ITGA8: variants seen among roughly 807,000 people sequenced by gnomAD.
ITGA8 encodes the protein integrin subunit alpha 8.
Under a neutral mutation model 142.3 loss-of-function variants are expected in ITGA8, and 91 were observed. The observed-to-expected ratio is 0.64, with a 90% CI of 0.54 to 0.76. The LOEUF (loss-of-function observed/expected upper bound fraction) is 0.76. ITGA8 is among the 30% of genes least tolerant of loss of function. ITGA8 has a pLI of 0.00. For missense variants in ITGA8, 1,406 were observed against 1,327.7 expected, an observed-to-expected ratio of 1.06 and a Z score of -0.92; for synonymous variants, 505 against 485.2, an observed-to-expected ratio of 1.04 and a Z score of -0.54.
intron 2 of ITGA8, among the ~76,000 whole-genome samples, chr10:15,691,390 C>A (rs571374062): frequency 2.0e-5 from 3 of 152,208 alleles, no homozygotes; most frequent in Admixed American, 2.0e-4. Context: ...ATATCTGCAC[C>A]CCCATGTTCA....
At chr10:15,582,019 G>T (rs984515999) in intron 23 of ITGA8, among the ~76,000 whole-genome samples, 8 of 152,148 alleles carry the variant, frequency 5.3e-5, no homozygotes, top group Non-Finnish European at 1.0e-4. Context: ...CAGGAAGATT[G>T]CTTGAGGCCA....
At chr10:15,565,312 C>T (rs1434831458) in intron 25 of ITGA8, among the ~76,000 whole-genome samples, 1 of 152,154 alleles carries the variant, frequency 6.6e-6, no homozygotes, top group African/African-American at 2.4e-5. Flanking sequence ...AAATTGACTA[C>T]TGTTTTCCTG....
chr10:15,705,366 AT>A (rs1256197486), intron 2 of ITGA8, among the ~76,000 whole-genome samples: 1 of 152,076 alleles, frequency 6.6e-6, no homozygotes, highest in African/African-American at 2.4e-5. Context: ...AGAAAAGATC[AT>A]TTTCTTCCTC....
chr10:15,592,636 G>A (rs199574368), intron 21 of ITGA8, among the ~76,000 whole-genome samples: 3 of 152,138 alleles, frequency 2.0e-5, no homozygotes, highest in African/African-American at 4.8e-5. Context: ...ACAGGGTCTC[G>A]CTCCGTCACC....
At chr10:15,546,916 T>C (rs1415731561) in intron 27 of ITGA8, among the ~76,000 whole-genome samples, 3 of 152,012 alleles carry the variant, frequency 2.0e-5, no homozygotes, top group Non-Finnish European at 4.4e-5. Flanking sequence ...CACAATGACC[T>C]TTAAAACAAA....
intron 23 of ITGA8, among the ~76,000 whole-genome samples, chr10:15,580,806 C>CT (rs1329909886): frequency 6.6e-6 from 1 of 152,112 alleles, no homozygotes; most frequent in Non-Finnish European, 1.5e-5. Context: ...CACAAAATCC[C>CT]TGCAGCTGGC....
At chr10:15,536,844 A>C (rs7896221) in intron 27 of ITGA8, among the ~76,000 whole-genome samples, 8,340 of 152,250 alleles carry the variant, frequency 0.055, 735 homozygotes, top group African/African-American at 0.19. Flanking sequence ...CAAACGGAGG[A>C]GTTAGCGACC....
intron 22 of ITGA8, among the ~76,000 whole-genome samples, chr10:15,591,601 T>G (rs1418868019): frequency 6.6e-6 from 1 of 152,104 alleles, no homozygotes; most frequent in Non-Finnish European, 1.5e-5. Flanking sequence ...CACGAAATAT[T>G]ATTTTCAGCC....
chr10:15,571,795 T>C (rs1834188243), intron 25 of ITGA8, among the ~76,000 whole-genome samples: 1 of 152,208 alleles, frequency 6.6e-6, no homozygotes, highest in African/African-American at 2.4e-5. Flanking sequence ...CACCACTTGC[T>C]ATGGGCTGCA....
intron 13 of ITGA8, among the ~76,000 whole-genome samples, chr10:15,639,189 C>T (rs555712801): frequency 6.6e-6 from 1 of 151,890 alleles, no homozygotes; most frequent in Non-Finnish European, 1.5e-5. Context: ...CAAGCATCAC[C>T]ATGGCAGGAA....
In ITGA8 at chr10:15,605,760, T is replaced by G. The variant is rs1327588641; in HGVS notation, c.1934A>C (p.Asn645Thr). Residue 645 changes from asparagine to threonine, a missense_variant, in exon 19 of 30, where the codon AAT becomes ACT. Physicochemically the swap from Asn to Thr is moderately conservative, Grantham distance 65. Coordinates refer to ENST00000378076, the MANE Select transcript of ITGA8 (RefSeq NM_003638.3). ...CAGCTTCAAGTCAGGAACACACAGA[T>G]TGTCTTCTCCACAGTCCACCAGAAT... The part of the protein sequence containing the change: ...AHILVDCGED[N>T]LCVPDLKLSA... The G allele has an allele frequency of 7.4e-6, 12 of 1,613,584 alleles. No individual in the cohort carries two copies. Among genetic ancestry groups the G allele is most frequent in the Non-Finnish European group, 1.0e-5 (12 of 1,179,518 alleles).
chr10:15,548,348 C>G (rs777742621), intron 27 of ITGA8, 107 bp downstream of exon 27: 2 of 764,420 alleles, frequency 2.6e-6, no homozygotes, highest in Non-Finnish European at 4.3e-6. Flanking sequence ...CTGCCTCGGA[C>G]TTCCACAGTG....
intron 23 of ITGA8, among the ~76,000 whole-genome samples, chr10:15,578,967 A>G (rs778426405): frequency 6.6e-6 from 1 of 152,138 alleles, no homozygotes; most frequent in Non-Finnish European, 1.5e-5. Context: ...CCACCCAAAT[A>G]AATGAATCCA....
At chr10:15,624,373 C>T (rs775609148) in intron 13 of ITGA8, among the ~76,000 whole-genome samples, 1 of 152,158 alleles carries the variant, frequency 6.6e-6, no homozygotes, top group South Asian at 2.1e-4. Context: ...TTAAGTTTCT[C>T]TAGATGAGAA....
At chr10:15,580,122 A>T (rs1834378919) in intron 23 of ITGA8, among the ~76,000 whole-genome samples, 1 of 109,926 alleles carries the variant, frequency 9.1e-6, no homozygotes, top group African/African-American at 3.0e-5. Flanking sequence ...CTGATCAGAA[A>T]ATGTAAAAAA....
chr10:15,702,280 T>G (rs1277001700), intron 2 of ITGA8, among the ~76,000 whole-genome samples: 1 of 151,902 alleles, frequency 6.6e-6, no homozygotes, highest in Non-Finnish European at 1.5e-5. Flanking sequence ...TACCCTGCCC[T>G]CCACACCTGA....
chr10:15,702,633 G>A (rs188640284), intron 2 of ITGA8, among the ~76,000 whole-genome samples: 27 of 152,212 alleles, frequency 1.8e-4, no homozygotes, highest in African/African-American at 6.3e-4. Context: ...CTAGGTATTG[G>A]TTGGGCTTCC....
At chr10:15,617,235 T>C (rs2131619859) in intron 13 of ITGA8, among the ~76,000 whole-genome samples, 1 of 152,252 alleles carries the variant, frequency 6.6e-6, no homozygotes, top group Non-Finnish European at 1.5e-5. Flanking sequence ...ATTTTGCAAA[T>C]GAGTCAATTG....
At chr10:15,583,488 A>G (rs1834452034) in intron 23 of ITGA8, among the ~76,000 whole-genome samples, 1 of 152,184 alleles carries the variant, frequency 6.6e-6, no homozygotes, top group African/African-American at 2.4e-5. Context: ...CGTTCTGCAC[A>G]GGTACCCCAG....
Sources: allele counts gnomAD v4.1 joint callset (sites outside exome capture counted in the v4.1 genomes callset), GRCh38; gene constraint gnomAD v4.1.1; transcripts MANE v1.5; gene names NCBI Gene and HGNC (gene_info 2026-07-23, HGNC 2026-07-21).